Variants in UNC5D observed in about 807,000 individuals in gnomAD.
The protein encoded by UNC5D is unc-5 netrin receptor D.
A neutral mutation model predicts 105.4 loss-of-function variants in UNC5D; 39 were observed. That is an observed-to-expected ratio of 0.37 (90% CI 0.29 to 0.48). The LOEUF (loss-of-function observed/expected upper bound fraction) is 0.48, where lower values mean the gene tolerates loss of function less well. Among genes scored for constraint, UNC5D ranks in the 20% least tolerant of loss-of-function variants. The pLI, the probability that UNC5D is intolerant of heterozygous loss-of-function variation, is 0.98. For missense variants in UNC5D, 991 were observed against 1,202.4 expected (o/e 0.82, Z 2.60); for synonymous variants, 452 against 450.4 (o/e 1.00, Z -0.04).
chr8:35,476,933 C>G (rs372226500), intron 1 of UNC5D, among the ~76,000 whole-genome samples: 1 of 152,212 alleles, frequency 6.6e-6, no homozygotes, highest in Non-Finnish European at 1.5e-5. Flanking sequence ...CTTCCCCCAG[C>G]CTTCTTTGCT....
intron 1 of UNC5D, among the ~76,000 whole-genome samples, chr8:35,257,845 G>C (rs1299351705): frequency 6.6e-6 from 1 of 152,188 alleles, no homozygotes; most frequent in Non-Finnish European, 1.5e-5. Context: ...ACATTGCAGA[G>C]AGGAAAATAA....
At chr8:35,315,267 A>G (rs756962036) in intron 1 of UNC5D, among the ~76,000 whole-genome samples, 2 of 152,216 alleles carry the variant, frequency 1.3e-5, no homozygotes, top group African/African-American at 2.4e-5. Flanking sequence ...ACAATCATTT[A>G]CTATTGCTCT....
intron 1 of UNC5D, among the ~76,000 whole-genome samples, chr8:35,373,663 A>G (rs1345568782): frequency 6.6e-6 from 1 of 152,198 alleles, no homozygotes. Context: ...AGAACATATC[A>G]GCAATGCATT....
chr8:35,289,453 T>C (rs1806868425), intron 1 of UNC5D, among the ~76,000 whole-genome samples: 1 of 152,186 alleles, frequency 6.6e-6, no homozygotes, highest in Non-Finnish European at 1.5e-5. Flanking sequence ...ACAGATCATC[T>C]AGATGGAAAA....
chr8:35,510,549 C>T (rs1351894566), intron 1 of UNC5D, among the ~76,000 whole-genome samples: 1 of 152,116 alleles, frequency 6.6e-6, no homozygotes, highest in Non-Finnish European at 1.5e-5. Context: ...TAAATAGCCT[C>T]TTACCACCTC....
At chr8:35,768,001 A>AAT (rs1219307587) in intron 15 of UNC5D, among the ~76,000 whole-genome samples, 6 of 150,354 alleles carry the variant, frequency 4.0e-5, no homozygotes, top group South Asian at 2.1e-4. Flanking sequence ...TTATAAAATA[A>AAT]ATATATATAT....
At chr8:35,443,186 A>T (rs955619409) in intron 1 of UNC5D, among the ~76,000 whole-genome samples, 2 of 151,854 alleles carry the variant, frequency 1.3e-5, no homozygotes, top group Non-Finnish European at 2.9e-5. Flanking sequence ...TACTAAGAAC[A>T]CTGTACTGTG....
Position 35,581,080 on chromosome 8 carries a change from C to T in UNC5D, c.466+12839C>T, listed in dbSNP as rs115021698. 5.6e-3 allele frequency among the ~76,000 whole-genome samples: 855 copies of T among 152,170 alleles called. 10 individuals are homozygous for T. Among genetic ancestry groups the T allele is most frequent in the African/African-American group, 0.019 (774 of 41,538 alleles). Reference sequence around the variant, plus strand: ...CTTTTAAAAATTAAGATTCCAGGGTCTCACTCAGGACCTTTAGAATCCTCA... The same window carrying T: ...CTTTTAAAAATTAAGATTCCAGGGTTTCACTCAGGACCTTTAGAATCCTCA... On this transcript the variant is annotated intron_variant, in intron 3 of 16. Transcript: ENST00000404895.
At chr8:35,564,038 C>T (rs1354756507) in intron 2 of UNC5D, among the ~76,000 whole-genome samples, 1 of 152,076 alleles carries the variant, frequency 6.6e-6, no homozygotes, top group Non-Finnish European at 1.5e-5. Context: ...GATCTGTGTT[C>T]ATCAACTATA....
chr8:35,328,125 A>C (rs1218232850), intron 1 of UNC5D, among the ~76,000 whole-genome samples: 1 of 152,220 alleles, frequency 6.6e-6, no homozygotes, highest in African/African-American at 2.4e-5. Flanking sequence ...AACTCAGTTG[A>C]TGCAACCCTT....
At chr8:35,710,934 CTTTTT>C (rs775014566) in intron 8 of UNC5D, among the ~76,000 whole-genome samples, 2 of 114,380 alleles carry the variant, frequency 1.7e-5, no homozygotes, top group Admixed American at 8.8e-5. Context: ...CAGCATTATT[CTTTTT>C]TTTTTTTTTT....
In UNC5D at chr8:35,299,520, G is replaced by T. The variant is rs188414490; in HGVS notation, c.103+63633G>T. The stretch of plus-strand genomic sequence containing the variant: ...GATTTCCATGCTTTGTGGAGGTTGT[G>T]TTAGAGTAAAAATAAAAAATACATA... On this transcript the variant is annotated intron_variant, in intron 1 of 16. Coordinates refer to ENST00000404895, the MANE Select transcript of UNC5D (RefSeq NM_080872.4). Among the ~76,000 whole-genome samples, 489 of 152,220 alleles carry T rather than the reference G, an allele frequency of 3.2e-3. 5 individuals carry two copies. Among genetic ancestry groups the T allele is most frequent in the African/African-American group, 0.011 (463 of 41,542 alleles).
chr8:35,481,364 A>T (rs1235311729), intron 1 of UNC5D, among the ~76,000 whole-genome samples: 1 of 152,180 alleles, frequency 6.6e-6, no homozygotes. Context: ...ATGCCACTGC[A>T]CTCCAGCCTG....
chr8:35,434,530 G>C (rs1806875849), intron 1 of UNC5D, among the ~76,000 whole-genome samples: 1 of 151,722 alleles, frequency 6.6e-6, no homozygotes, highest in African/African-American at 2.4e-5. Flanking sequence ...TGGCTTTTTT[G>C]GTAAGAAATT....
chr8:35,485,608 G>A (rs961754866), intron 1 of UNC5D, among the ~76,000 whole-genome samples: 10 of 152,016 alleles, frequency 6.6e-5, no homozygotes, highest in South Asian at 2.1e-4. Context: ...GGCACAACTC[G>A]GCAAAATACC....
chr8:35,496,501 T>C (rs1811603756), intron 1 of UNC5D, among the ~76,000 whole-genome samples: 2 of 152,064 alleles, frequency 1.3e-5, no homozygotes, highest in Admixed American at 6.6e-5. Context: ...TGGAAAGAGA[T>C]AAATAACTCA....
At chr8:35,776,358 T>A (rs2131747725) in intron 16 of UNC5D, among the ~76,000 whole-genome samples, 1 of 152,370 alleles carries the variant, frequency 6.6e-6, no homozygotes, top group Admixed American at 6.5e-5. Flanking sequence ...CTGTAATTAA[T>A]TTGCTGAATA....
At chr8:35,456,230 T>A (rs1808484991) in intron 1 of UNC5D, among the ~76,000 whole-genome samples, 1 of 152,214 alleles carries the variant, frequency 6.6e-6, no homozygotes, top group Non-Finnish European at 1.5e-5. Flanking sequence ...TCCGGATTAC[T>A]AAACCATTGT....
At chr8:35,747,196 C>T (rs59971470) in intron 11 of UNC5D, among the ~76,000 whole-genome samples, 12,999 of 152,140 alleles carry the variant, frequency 0.085, 615 homozygotes, top group Middle Eastern at 0.17. Context: ...CTGTTTTAGA[C>T]GCAGTAGACA....
Sources: gnomAD v4.1 joint callset for allele counts (sites outside exome capture counted in the v4.1 genomes callset) on GRCh38, gnomAD v4.1.1 for gene constraint, MANE v1.5 for transcripts, NCBI Gene and HGNC (gene_info 2026-07-23, HGNC 2026-07-21) for gene names.